CTNND2: variants seen among roughly 807,000 people sequenced by gnomAD.
CTNND2 encodes catenin delta 2.
CTNND2 carries 22 observed loss-of-function variants against 144.4 expected under a neutral mutation model. That is an observed-to-expected ratio of 0.15 (90% CI 0.11 to 0.22). The LOEUF is 0.22. CTNND2 is among the 10% of genes least tolerant of loss of function. The pLI, the probability that CTNND2 is intolerant of heterozygous loss-of-function variation, is 1.00. For missense variants in CTNND2, 1,353 were observed against 1,618.8 expected, an observed-to-expected ratio of 0.84 and a Z score of 2.82; for synonymous variants, 751 against 695.6, an observed-to-expected ratio of 1.08 and a Z score of -1.25.
chr5:11,704,266 T>C (rs1785591341), intron 2 of CTNND2, among the ~76,000 whole-genome samples: 1 of 152,234 alleles, frequency 6.6e-6, no homozygotes, highest in Admixed American at 6.5e-5. Context: ...ATCCAATGCA[T>C]GGCCTTGGCT....
At chr5:11,470,981 T>TATA (rs58435800) in intron 3 of CTNND2, among the ~76,000 whole-genome samples, 2,277 of 63,822 alleles carry the variant, frequency 0.036, 39 homozygotes, top group Middle Eastern at 0.05. Context: ...TATATATATA[T>TATA]TTTTTTTTTT....
At chr5:11,171,848 G>C (rs1034278633) in intron 11 of CTNND2, among the ~76,000 whole-genome samples, 2 of 152,068 alleles carry the variant, frequency 1.3e-5, no homozygotes, top group African/African-American at 4.8e-5. Context: ...AAACATTCAG[G>C]TATCAAGAAA....
intron 11 of CTNND2, among the ~76,000 whole-genome samples, chr5:11,164,676 T>C (rs1474948363): frequency 6.6e-6 from 1 of 152,190 alleles, no homozygotes; most frequent in Non-Finnish European, 1.5e-5. Flanking sequence ...TTCTGGAACA[T>C]TGTTTCCTAG....
intron 3 of CTNND2, among the ~76,000 whole-genome samples, chr5:11,540,447 T>C (rs955501156): frequency 6.6e-6 from 1 of 152,220 alleles, no homozygotes; most frequent in Non-Finnish European, 1.5e-5. Context: ...CCGCTGGGAA[T>C]TGCTAAGAGG....
At chr5:10,996,726 A>G (rs997740015) in intron 18 of CTNND2, among the ~76,000 whole-genome samples, 2 of 151,980 alleles carry the variant, frequency 1.3e-5, no homozygotes, top group Non-Finnish European at 2.9e-5. Flanking sequence ...AGCCTCCCAA[A>G]TATCTGGGAT....
At chr5:11,761,013 A>T (rs1396382272) in intron 1 of CTNND2, among the ~76,000 whole-genome samples, 1 of 152,188 alleles carries the variant, frequency 6.6e-6, no homozygotes, top group Non-Finnish European at 1.5e-5. Context: ...GGAATCATTT[A>T]CTTGCTGGAT....
At chr5:11,409,448 T>G (rs1761345842) in intron 5 of CTNND2, among the ~76,000 whole-genome samples, 1 of 152,074 alleles carries the variant, frequency 6.6e-6, no homozygotes, top group Admixed American at 6.5e-5. Context: ...TATTTCAACA[T>G]TTTGTGGCTT....
intron 3 of CTNND2, among the ~76,000 whole-genome samples, chr5:11,425,373 T>C (rs899805544): frequency 6.6e-6 from 1 of 152,210 alleles, no homozygotes; most frequent in Non-Finnish European, 1.5e-5. Flanking sequence ...TTGCCTTCCA[T>C]ATTTATTGTC....
intron 1 of CTNND2, among the ~76,000 whole-genome samples, chr5:11,848,762 A>G (rs1794874235): frequency 1.3e-5 from 2 of 152,182 alleles, no homozygotes; most frequent in South Asian, 4.1e-4. Flanking sequence ...ATTGTGTATC[A>G]TGTGAGTCAA....
intron 9 of CTNND2, among the ~76,000 whole-genome samples, chr5:11,253,414 G>C (rs1743872459): frequency 6.6e-6 from 1 of 152,118 alleles, no homozygotes; most frequent in Non-Finnish European, 1.5e-5. Context: ...ATTGAATCAT[G>C]GGGCTGTTTC....
intron 5 of CTNND2, among the ~76,000 whole-genome samples, chr5:11,403,483 G>A (rs932293758): frequency 2.6e-5 from 4 of 152,112 alleles, no homozygotes; most frequent in Admixed American, 6.6e-5. Context: ...ACTCTCAAAT[G>A]TATAACTTTA....
chr5:11,718,591 T>A (rs1186164112), intron 2 of CTNND2, among the ~76,000 whole-genome samples: 1 of 151,918 alleles, frequency 6.6e-6, no homozygotes, highest in East Asian at 1.9e-4. Context: ...GACCTGATTA[T>A]CAAGAGTTCT....
chr5:11,897,402 T>C (rs917991933), intron 1 of CTNND2, among the ~76,000 whole-genome samples: 2 of 152,226 alleles, frequency 1.3e-5, no homozygotes, highest in Non-Finnish European at 2.9e-5. Context: ...CTTCTTTCTT[T>C]ACTGTGTCCA....
chr5:11,555,900 G>A (rs1561551172), intron 3 of CTNND2, among the ~76,000 whole-genome samples: 1 of 152,154 alleles, frequency 6.6e-6, no homozygotes, highest in African/African-American at 2.4e-5. Context: ...TCCAAAATAT[G>A]TCTATAGTCC....
At chr5:11,335,246 C>A (rs1383774283) in intron 9 of CTNND2, among the ~76,000 whole-genome samples, 1 of 152,184 alleles carries the variant, frequency 6.6e-6, no homozygotes, top group African/African-American at 2.4e-5. Context: ...TGCTAATCTT[C>A]TCCTTATCAA....
intron 9 of CTNND2, among the ~76,000 whole-genome samples, chr5:11,309,887 C>T (rs1351996357): frequency 2.0e-5 from 3 of 152,186 alleles, no homozygotes; most frequent in South Asian, 4.1e-4. Context: ...ATGTGTGGCA[C>T]CTTCCCCTTT....
chr5:11,006,004 G>C (rs1306705692), intron 18 of CTNND2, among the ~76,000 whole-genome samples: 2 of 152,146 alleles, frequency 1.3e-5, no homozygotes, highest in East Asian at 3.9e-4. Context: ...TTTGTGAAGG[G>C]ATCTTGCCTA....
intron 3 of CTNND2, among the ~76,000 whole-genome samples, chr5:11,558,167 C>T (rs1485832093): frequency 6.6e-6 from 1 of 152,156 alleles, no homozygotes; most frequent in Non-Finnish European, 1.5e-5. Context: ...TTTCAGTCAT[C>T]ATTTAGTCAA....
chr5:11,161,625 A>G (rs1008832699), intron 11 of CTNND2, among the ~76,000 whole-genome samples: 1 of 152,230 alleles, frequency 6.6e-6, no homozygotes, highest in Non-Finnish European at 1.5e-5. Flanking sequence ...TTTAAATAGT[A>G]TATTAAAAAG....
Sources: gnomAD v4.1 joint callset for allele counts (sites outside exome capture counted in the v4.1 genomes callset) on GRCh38, gnomAD v4.1.1 for gene constraint, MANE v1.5 for transcripts, NCBI Gene and HGNC (gene_info 2026-07-23, HGNC 2026-07-21) for gene names.